SMAD2: variants seen among roughly 807,000 people sequenced by gnomAD.
SMAD2 encodes the protein MAD homolog 2.
SMAD2 carries 8 observed loss-of-function variants against 64.4 expected under a neutral mutation model. The ratio of observed to expected loss-of-function variants is 0.12; its 90% confidence interval spans 0.07 to 0.22. The LOEUF (loss-of-function observed/expected upper bound fraction) is 0.22, where lower values mean the gene tolerates loss of function less well. SMAD2 is among the 10% of genes least tolerant of loss of function. SMAD2 has a pLI of 1.00. For synonymous variants in SMAD2, 203 were observed against 195.8 expected, an observed-to-expected ratio of 1.04 and a Z score of -0.31; for missense variants, 289 against 561.2, an observed-to-expected ratio of 0.51 and a Z score of 4.90.
intron 7 of SMAD2, among the ~76,000 whole-genome samples, chr18:47,848,963 G>A (rs1914808872): frequency 1.3e-5 from 2 of 152,044 alleles, no homozygotes; most frequent in Non-Finnish European, 2.9e-5. Context: ...TGTTTTACCA[G>A]TAGTTTTAGT....
At chr18:47,879,224 G>A (rs116318300) in intron 2 of SMAD2, among the ~76,000 whole-genome samples, 231 of 152,280 alleles carry the variant, frequency 1.5e-3, no homozygotes, top group African/African-American at 5.5e-3. Context: ...AATTTACACA[G>A]CATGAAACAC....
chr18:47,857,763 C>T (rs979950222), intron 6 of SMAD2, among the ~76,000 whole-genome samples: 5 of 152,130 alleles, frequency 3.3e-5, no homozygotes, highest in South Asian at 4.1e-4. Context: ...CATGCACAGA[C>T]GACAGGAATC....
chr18:47,872,888 A>G (rs28455633), intron 2 of SMAD2, among the ~76,000 whole-genome samples: 2,261 of 152,260 alleles, frequency 0.015, 54 homozygotes, highest in African/African-American at 0.052. Context: ...GAAAATGTGC[A>G]TAGGTTATAT....
chr18:47,874,300 A>C (rs1197997201), intron 2 of SMAD2, among the ~76,000 whole-genome samples: 2 of 152,100 alleles, frequency 1.3e-5, no homozygotes, highest in Non-Finnish European at 2.9e-5. Context: ...GATCAAGAGA[A>C]GCTGAACACT....
Position 47,845,334 on chromosome 18 carries a change from T to G in SMAD2, c.1280+6A>C, listed in dbSNP as rs1262389055. ...GAAATTTAAGAACCAAATATGTATT[T>G]CATACCGGTATTCTGCTCCCCACCC... On this transcript the variant is annotated splice_donor_region_variant and intron_variant, in intron 10 of 10. Transcript: ENST00000262160. 1 of 1,612,852 alleles carries G rather than the reference T, an allele frequency of 6.2e-7. No individual in the cohort carries two copies. The highest frequency in any genetic ancestry group is 8.5e-7 in the Non-Finnish European group (1 of 1,178,988).
At chr18:47,847,813 C>T (rs1206521462) in intron 8 of SMAD2, among the ~76,000 whole-genome samples, 1 of 151,622 alleles carries the variant, frequency 6.6e-6, no homozygotes, top group Non-Finnish European at 1.5e-5. Context: ...AAATCATATG[C>T]ATGTAGGCTC....
chr18:47,881,899 A>G (rs2032614158), intron 2 of SMAD2, among the ~76,000 whole-genome samples: 1 of 152,040 alleles, frequency 6.6e-6, no homozygotes, highest in Admixed American at 6.6e-5. Flanking sequence ...GTTTTGCCCG[A>G]CAGGGTCTTG....
chr18:47,899,664 T>C (rs941564786), intron 1 of SMAD2, among the ~76,000 whole-genome samples: 2 of 152,200 alleles, frequency 1.3e-5, no homozygotes, highest in African/African-American at 2.4e-5. Context: ...GGCTGAGCTC[T>C]TTATACAATC....
chr18:47,847,484 C>T (rs1019320837), intron 8 of SMAD2, among the ~76,000 whole-genome samples: 1 of 151,960 alleles, frequency 6.6e-6, no homozygotes, highest in Non-Finnish European at 1.5e-5. Context: ...TAAGGAAATA[C>T]TGAGGACCCC....
In SMAD2 at chr18:47,828,122, C is replaced by CCGGCCGT. The variant is rs1912832566; in HGVS notation, c.*13704_*13705insACGGCCG. On this transcript the variant is annotated 3_prime_UTR_variant, in exon 11 of 11. Coordinates refer to ENST00000262160, the MANE Select transcript of SMAD2 (RefSeq NM_005901.6). ...GTCTGGGAGGTGAGGAGCGTCTCTG[C>CCGGCCGT]CCGGCCGCCCCGTCTGAGAAGTGAG... is the stretch of plus-strand genomic sequence containing the variant. 1 of 160,894 alleles carries CCGGCCGT rather than the reference C, an allele frequency of 6.2e-6. No homozygotes were observed. The highest frequency in any genetic ancestry group is 1.7e-4 in the South Asian group (1 of 5,874). The allele number at this position is 160,894 out of a possible 1,614,324, so 10.0% of individuals were successfully genotyped here.
chr18:47,841,817 T>G lies in SMAD2; in HGVS notation c.*10A>C. 2.5e-6 allele frequency: 4 copies of G among 1,614,128 alleles called. No individual in the cohort carries two copies. Among genetic ancestry groups the G allele is most frequent in the Non-Finnish European group, 3.4e-6 (4 of 1,179,984 alleles). On this transcript the variant is annotated 3_prime_UTR_variant, in exon 11 of 11. Transcript: ENST00000262160. ...ATTAAGTCTTTTCATGGGACTTGAT[T>G]GGTGAAGCTTTATGACATGCTTGAG...
intron 1 of SMAD2, among the ~76,000 whole-genome samples, chr18:47,906,861 T>G (rs1410492364): frequency 6.6e-6 from 1 of 152,150 alleles, no homozygotes; most frequent in Non-Finnish European, 1.5e-5. Context: ...CTCTTCTGTA[T>G]TCAAATCTCC....
rs1912624406 is a variant in SMAD2, at chr18:47,822,935, C to T, written c.*18892G>A. The T allele has an allele frequency of 6.6e-6, 1 of 152,246 alleles. No homozygotes were observed. The highest frequency in any genetic ancestry group is 2.4e-5 in the African/African-American group (1 of 41,442). The allele number at this position is 152,246 out of a possible 1,614,324, so 9.4% of individuals were successfully genotyped here. A position where few individuals can be genotyped will look rare whatever the true frequency, so the allele number is the denominator to read the frequency against. Reference sequence around the variant, plus strand: ...AAACTCCTGACCTCAGGTGTTCCACCTGTCTTGGCCTCCCAAAGAGCTGGG... The same window carrying T: ...AAACTCCTGACCTCAGGTGTTCCACTTGTCTTGGCCTCCCAAAGAGCTGGG... On this transcript the variant is annotated 3_prime_UTR_variant, in exon 11 of 11. Coordinates refer to ENST00000262160, the MANE Select transcript of SMAD2 (RefSeq NM_005901.6).
intron 2 of SMAD2, among the ~76,000 whole-genome samples, chr18:47,893,476 C>T (rs1431312713): frequency 1.3e-5 from 2 of 152,142 alleles, no homozygotes; most frequent in Admixed American, 6.6e-5. Flanking sequence ...TATTTTTTGG[C>T]TTATAAAACC....
intron 10 of SMAD2, among the ~76,000 whole-genome samples, chr18:47,844,032 GGTCAA>G (rs1178269960): frequency 6.6e-6 from 1 of 151,988 alleles, no homozygotes; most frequent in Non-Finnish European, 1.5e-5. Flanking sequence ...TATCAACTCA[GGTCAA>G]GTCTAATTTT....
chr18:47,880,947 G>A (rs909084093), intron 2 of SMAD2, among the ~76,000 whole-genome samples: 3 of 152,196 alleles, frequency 2.0e-5, no homozygotes, highest in Admixed American at 2.0e-4. Context: ...AACTCTCCTT[G>A]CTGATATTCA....
rs1311757482 is a variant in SMAD2 at position 47,824,091 on chromosome 18, C to T, written c.*17736G>A. 1.3e-5 allele frequency: 2 copies of T among 152,196 alleles called. No homozygotes were observed. The highest frequency in any genetic ancestry group is 1.3e-4 in the Admixed American group (2 of 15,282). 9.4% of individuals were successfully genotyped at this position (152,196 alleles called of 1,614,324 possible). On this transcript the variant is annotated 3_prime_UTR_variant, in exon 11 of 11. Coordinates refer to ENST00000262160, the MANE Select transcript of SMAD2 (RefSeq NM_005901.6). ...GCAGGATGCAGGACCAGACCAATAA[C>T]CCGGGAAAGGTCTATTCTGTCACCA...
chr18:47,884,354 T>A (rs2032771756), intron 2 of SMAD2, among the ~76,000 whole-genome samples: 2 of 152,128 alleles, frequency 1.3e-5, no homozygotes. Context: ...TGTCCCCATT[T>A]GACAAATGAG....
chr18:47,919,195 T>C (rs1424352621), intron 1 of SMAD2, among the ~76,000 whole-genome samples: 1 of 152,064 alleles, frequency 6.6e-6, no homozygotes, highest in Non-Finnish European at 1.5e-5. Flanking sequence ...CTGGGCTTCA[T>C]AATTTTTCAA....
Sources: allele counts gnomAD v4.1 joint callset (sites outside exome capture counted in the v4.1 genomes callset), GRCh38; gene constraint gnomAD v4.1.1; transcripts MANE v1.5; gene names NCBI Gene and HGNC (gene_info 2026-07-23, HGNC 2026-07-21).